Variants in NIBAN1 observed in about 807,000 individuals in gnomAD.
NIBAN1 encodes the protein protein Niban 1.
Under a neutral mutation model 75.1 loss-of-function variants are expected in NIBAN1, and 81 were observed. That is an observed-to-expected ratio of 1.08 (90% CI 0.90 to 1.30). The LOEUF is 1.30. Ranked by LOEUF, NIBAN1 falls within the 50% of genes most tolerant of loss-of-function variation. The pLI, the probability that NIBAN1 is intolerant of heterozygous loss-of-function variation, is 0.00. For synonymous variants in NIBAN1, 436 were observed against 424.8 expected (o/e 1.03, Z -0.32); for missense variants, 1,133 against 1,128.1 (o/e 1.00, Z -0.06).
Position 184,793,006 on chromosome 1 carries a change from G to A in NIBAN1, c.*1971C>T, listed in dbSNP as rs1432065642. On this transcript the variant is annotated 3_prime_UTR_variant, in exon 14 of 14. Transcript: ENST00000367511. ...GTGGTCTTTACTTCCTTCACCTGTG[G>A]TGGGATCCCTCAAAGACATGAGGAT... The A allele has an allele frequency of 6.6e-6, 1 of 152,226 alleles. No homozygotes were observed. Among genetic ancestry groups the A allele is most frequent in the African/African-American group, 2.4e-5 (1 of 41,446 alleles). 9.4% of individuals were successfully genotyped at this position (152,226 alleles called of 1,614,324 possible).
intron 1 of NIBAN1, among the ~76,000 whole-genome samples, chr1:184,927,860 C>T (rs991009453): frequency 6.6e-6 from 1 of 151,824 alleles, no homozygotes; most frequent in East Asian, 2.0e-4. Context: ...AGCTGGCACC[C>T]AAGCCACAAG....
At chr1:184,937,145 C>CTTTTATTT (rs1657983464) in intron 1 of NIBAN1, among the ~76,000 whole-genome samples, 1 of 92,128 alleles carries the variant, frequency 1.1e-5, no homozygotes, top group Non-Finnish European at 2.0e-5. Context: ...TAGCTGGATT[C>CTTTTATTT]TTTTTTTTTT....
At chr1:184,809,111 A>G (rs1254191756) in intron 9 of NIBAN1, among the ~76,000 whole-genome samples, 1 of 152,204 alleles carries the variant, frequency 6.6e-6, no homozygotes, top group Non-Finnish European at 1.5e-5. Context: ...ATAATATAAG[A>G]TGCACTGTCC....
rs1011727011 is a variant in NIBAN1, at chr1:184,823,567, G to T, written c.822+71C>A. 5 of 1,514,918 alleles carry T rather than the reference G, an allele frequency of 3.3e-6. No homozygotes were observed. In the African/African-American group the frequency reaches 4.1e-5, roughly 12 times the overall value. The allele number at this position is 1,514,918 out of a possible 1,614,324, so 93.8% of individuals were successfully genotyped here. ...GGGAATATCAACAACAACAACAAAT[G>T]CCCTAAAAGAAAAGGGAAGAGAATG... On this transcript the variant is annotated intron_variant, in intron 7 of 13. Transcript: ENST00000367511.
At chr1:184,886,612 A>G (rs1315529883) in intron 4 of NIBAN1, among the ~76,000 whole-genome samples, 1 of 152,158 alleles carries the variant, frequency 6.6e-6, no homozygotes, top group African/African-American at 2.4e-5. Flanking sequence ...ATGCATTCCT[A>G]TTACATGATA....
At chr1:184,803,403 T>C (rs955501748) in intron 12 of NIBAN1, among the ~76,000 whole-genome samples, 182 bp downstream of exon 12, 2 of 152,256 alleles carry the variant, frequency 1.3e-5, no homozygotes, top group African/African-American at 4.8e-5. Context: ...CAGAGCTGAA[T>C]AGTTGCAACA....
At chr1:184,845,497 A>G (rs1018809487) in intron 5 of NIBAN1, among the ~76,000 whole-genome samples, 33 of 152,352 alleles carry the variant, frequency 2.2e-4, no homozygotes, top group African/African-American at 7.0e-4. Flanking sequence ...ATGATGGTTC[A>G]TGCCTGTAAT....
intron 1 of NIBAN1, among the ~76,000 whole-genome samples, chr1:184,965,061 A>G (rs1658744990): frequency 6.6e-6 from 1 of 152,194 alleles, no homozygotes; most frequent in Non-Finnish European, 1.5e-5. Flanking sequence ...GCACTTTGGG[A>G]TGCCGAGGCG....
At chr1:184,898,380 C>T (rs557989763) in intron 2 of NIBAN1, among the ~76,000 whole-genome samples, 10 of 152,164 alleles carry the variant, frequency 6.6e-5, no homozygotes, top group East Asian at 3.9e-4. Flanking sequence ...TTTGGGAGGC[C>T]GAGGCAGGTG....
chr1:184,870,289 ACT>A (rs778236765), intron 5 of NIBAN1, among the ~76,000 whole-genome samples: 11 of 149,454 alleles, frequency 7.4e-5, no homozygotes, highest in Non-Finnish European at 1.0e-4. Context: ...AAAGGTTTAA[ACT>A]CTCTTTGATA....
intron 9 of NIBAN1, among the ~76,000 whole-genome samples, chr1:184,818,004 T>G (rs1654586080): frequency 1.3e-5 from 2 of 152,250 alleles, no homozygotes; most frequent in Admixed American, 1.3e-4. Context: ...TGATCTTTTT[T>G]GTCTATAAAT....
intron 1 of NIBAN1, among the ~76,000 whole-genome samples, chr1:184,912,715 A>G (rs1218054224): frequency 6.6e-6 from 1 of 152,204 alleles, no homozygotes; most frequent in Non-Finnish European, 1.5e-5. Flanking sequence ...GTCAAGTCCT[A>G]TGGAAAAACA....
At chr1:184,856,221 T>C (rs2840217) in intron 5 of NIBAN1, among the ~76,000 whole-genome samples, 11,470 of 152,238 alleles carry the variant, frequency 0.075, 1,439 homozygotes, top group African/African-American at 0.26. Context: ...GACATCATTA[T>C]TTGTTTTATA....
intron 1 of NIBAN1, among the ~76,000 whole-genome samples, chr1:184,930,345 C>CACAACAT (rs954587692): frequency 6.6e-6 from 1 of 152,106 alleles, no homozygotes; most frequent in Non-Finnish European, 1.5e-5. Context: ...TGAAGGCTGC[C>CACAACAT]ACAACATAGA....
At chr1:184,950,763 T>C (rs1351420485) in intron 1 of NIBAN1, among the ~76,000 whole-genome samples, 1 of 152,192 alleles carries the variant, frequency 6.6e-6, no homozygotes, top group Non-Finnish European at 1.5e-5. Context: ...ATAATCGACA[T>C]AGAACAGCAT....
intron 2 of NIBAN1, among the ~76,000 whole-genome samples, chr1:184,896,298 C>A (rs1019349875): frequency 1.3e-5 from 2 of 152,106 alleles, no homozygotes; most frequent in African/African-American, 4.8e-5. Flanking sequence ...ATACATTTCT[C>A]TGATGATTGG....
At chr1:184,803,464 A>T (rs1216285975) in intron 12 of NIBAN1, 121 bp downstream of exon 12, 1 of 720,544 alleles carries the variant, frequency 1.4e-6, no homozygotes, top group East Asian at 2.5e-5. Flanking sequence ...GACCATTTAC[A>T]AAAATGTCTG....
At chr1:184,798,931 A>G (rs148515872) in intron 12 of NIBAN1, among the ~76,000 whole-genome samples, 12 of 152,222 alleles carry the variant, frequency 7.9e-5, no homozygotes, top group African/African-American at 2.9e-4. Context: ...TTTTATTGTT[A>G]AGTAGTATTC....
rs1331696991 is a variant in NIBAN1, at chr1:184,827,369, C to A, written c.718-3627G>T. Among the ~76,000 whole-genome samples, 3 of 151,944 alleles carry A rather than the reference C, an allele frequency of 2.0e-5. No individual in the cohort carries two copies. In the East Asian group the frequency reaches 5.8e-4, roughly 29 times the overall value. ...TGCCCTGATCGAGTGCTGCCTGTCA[C>A]CTCCCCAGAGCCCACTCTGGCATTC... is the stretch of plus-strand genomic sequence containing the variant. On this transcript the variant is annotated intron_variant, in intron 6 of 13. Coordinates refer to ENST00000367511, the MANE Select transcript of NIBAN1 (RefSeq NM_052966.4).
Sources: gnomAD v4.1 joint callset for allele counts (sites outside exome capture counted in the v4.1 genomes callset) on GRCh38, gnomAD v4.1.1 for gene constraint, MANE v1.5 for transcripts, NCBI Gene and HGNC (gene_info 2026-07-23, HGNC 2026-07-21) for gene names.